The following MINK1 variants were observed in gnomAD, a reference collection of about 807,000 sequenced individuals.
The protein encoded by MINK1 is misshapen-like kinase 1.
Under a neutral mutation model 178.4 loss-of-function variants are expected in MINK1, and 46 were observed. That is an observed-to-expected ratio of 0.26 (90% CI 0.20 to 0.33). MINK1 has a LOEUF of 0.33. Ranked by LOEUF, MINK1 falls within the 10% of genes least tolerant of loss-of-function variation. The probability of loss-of-function intolerance (pLI) is 1.00; values close to 1 mark genes in which losing one functional copy is unlikely to be tolerated. For synonymous variants in MINK1, 797 were observed against 709.7 expected (o/e 1.12, Z -1.96); for missense variants, 1,366 against 1,814.9 (o/e 0.75, Z 4.49).
rs535032519 is a variant in MINK1, at chr17:4,897,421, C to T, written c.*134C>T. 5.1e-5 allele frequency: 38 copies of T among 748,366 alleles called. No homozygotes were observed. Among genetic ancestry groups the T allele is most frequent in the Admixed American group, 1.0e-4 (4 of 39,832 alleles). The allele number at this position is 748,366 out of a possible 1,614,324, so 46.4% of individuals were successfully genotyped here. A position where few individuals can be genotyped will look rare whatever the true frequency, so the allele number is the denominator to read the frequency against. On this transcript the variant is annotated 3_prime_UTR_variant, in exon 32 of 32. Transcript: ENST00000355280. ...TGATTTCACTGGAGCCTGCTGGGAA[C>T]GTGACCTCTGACCCCTGATGCTTTC...
In MINK1 at chr17:4,897,565, C is replaced by A. The variant is rs1019763022; in HGVS notation, c.*278C>A. The A allele has an allele frequency of 4.9e-6, 2 of 406,836 alleles. No individual in the cohort carries two copies. The highest frequency in any genetic ancestry group is 8.9e-6 in the Non-Finnish European group (2 of 224,366). The allele number at this position is 406,836 out of a possible 1,614,324, so 25.2% of individuals were successfully genotyped here. ...AGGAATTGAGTGGGCCTAGCCCCTC[C>A]CCCCTTTTCTCCATTTGAGAGGAGA... is the stretch of plus-strand genomic sequence containing the variant. On this transcript the variant is annotated 3_prime_UTR_variant, in exon 32 of 32. Transcript: ENST00000355280.
At position 4,896,349 on chromosome 17, in the gene MINK1, T is replaced by C. The variant is rs1302147773; in HGVS notation, c.3615+7T>C. On this transcript the variant is annotated splice_region_variant and intron_variant, in intron 29 of 31. Coordinates refer to ENST00000355280, the MANE Select transcript of MINK1 (RefSeq NM_153827.5). This position sits in a 1 kb window ranked among gnomAD's most constrained non-coding sequence, Gnocchi z 4.6. ...CATCTACATCCCTGTGCACGTGAGC[T>C]TGGCGGGGCTGCTGGGGGAGTGGGA... 1.2e-6 allele frequency: 2 copies of C among 1,600,188 alleles called. No individual in the cohort carries two copies. Among genetic ancestry groups the C allele is most frequent in the African/African-American group, 2.7e-5 (2 of 74,754 alleles).
At chr17:4,889,328 C>T (rs1968534430) in intron 12 of MINK1, among the ~76,000 whole-genome samples, 1 of 152,086 alleles carries the variant, frequency 6.6e-6, no homozygotes, top group Non-Finnish European at 1.5e-5. Flanking sequence ...GCTAGGAGTG[C>T]TGGGGAGGCT....
intron 2 of MINK1, among the ~76,000 whole-genome samples, chr17:4,879,081 G>C (rs1439351920): frequency 1.3e-5 from 2 of 151,926 alleles, no homozygotes; most frequent in African/African-American, 4.8e-5. Context: ...GCTCACACTT[G>C]GATTGTGGGA....
Position 4,887,133 on chromosome 17 carries a change from G to T in MINK1, c.973G>T (p.Gly325Cys). The T allele has an allele frequency of 6.2e-7, 1 of 1,602,988 alleles. No homozygotes were observed. The highest frequency in any genetic ancestry group is 2.2e-5 in the East Asian group (1 of 44,482). ...AGAGGAGACAGAATATGAGTACAGC[G>T]GCAGCGAGGAGGAAGATGACAGCCA... ...EKEETEYEYSGSEEEDDSHGE... is the reference protein window; with the variant it reads ...EKEETEYEYSCSEEEDDSHGE... The change falls in exon 11 of 32, where the codon GGC becomes TGC. Residue 325 changes from glycine to cysteine, a missense_variant. Physicochemically the swap from Gly to Cys is radical, Grantham distance 159 (BLOSUM62 -3). Transcript: ENST00000355280. This position sits in a 1 kb window ranked among gnomAD's most constrained non-coding sequence, Gnocchi z 7.6.
chr17:4,894,485 A>G lies in MINK1; in HGVS notation c.2809-40A>G. The G allele has an allele frequency of 5.2e-6, 8 of 1,543,540 alleles. No individual in the cohort carries two copies. The highest frequency in any genetic ancestry group is 1.2e-5 in the South Asian group (1 of 84,632). Reference sequence around the variant, plus strand: ...GCAGCAGGGGCAGGGCCGCAGCTGGACTTGCACTTGTTTGCCTGACTGCTG... The same window carrying G: ...GCAGCAGGGGCAGGGCCGCAGCTGGGCTTGCACTTGTTTGCCTGACTGCTG... On this transcript the variant is annotated intron_variant, in intron 23 of 31. Transcript: ENST00000355280. This position sits in a 1 kb window ranked among gnomAD's most constrained non-coding sequence, Gnocchi z 4.1.
intron 2 of MINK1, among the ~76,000 whole-genome samples, chr17:4,878,866 G>T (rs1208521978): frequency 6.6e-6 from 1 of 152,238 alleles, no homozygotes; most frequent in African/African-American, 2.4e-5. Context: ...CTTTTGAGCT[G>T]CCTCTGTCCC....
intron 2 of MINK1, 54 bp downstream of exon 2, chr17:4,878,436 A>G: frequency 6.8e-7 from 1 of 1,462,416 alleles, no homozygotes; most frequent in East Asian, 2.5e-5. Context: ...CAGTCTTGGG[A>G]GGAGTGGAAG....
At chr17:4,859,804 A>C (rs1913836115) in intron 1 of MINK1, among the ~76,000 whole-genome samples, 1 of 151,112 alleles carries the variant, frequency 6.6e-6, no homozygotes, top group Admixed American at 6.6e-5. Context: ...AAAAAAAAAA[A>C]AAAAAAAAAA....
rs1174249777 is a variant in MINK1 at position 4,894,230 on chromosome 17, GC to G, written c.2729del (p.Pro910LeufsTer34). ...HADSNGYTNLPDVVQPSHSPT... is the reference protein window; with the variant it reads ...HADSNGYTNLXDVVQPSHSPT... ...CTGACAGCAATGGGTACACAAACCT[GC>G]CTGACGTGGTCCAGCCCAGCCACTC... On this transcript the variant is annotated frameshift_variant, in exon 23 of 32. Transcript: ENST00000355280. LOFTEE classifies it high-confidence loss of function. This position sits in a 1 kb window ranked among gnomAD's most constrained non-coding sequence, Gnocchi z 4.1. 1 of 1,613,390 alleles carries G rather than the reference GC, an allele frequency of 6.2e-7. No homozygotes were observed. The highest frequency in any genetic ancestry group is 8.5e-7 in the Non-Finnish European group (1 of 1,179,834).
At chr17:4,839,647 T>TTGTC (rs1909879024) in intron 1 of MINK1, among the ~76,000 whole-genome samples, 1 of 152,224 alleles carries the variant, frequency 6.6e-6, no homozygotes, top group Non-Finnish European at 1.5e-5. Flanking sequence ...TGGGCTTCTC[T>TTGTC]TATCTATAGG....
rs914614050 is a variant in MINK1 at position 4,891,093 on chromosome 17, G to T, written c.1709G>T (p.Arg570Met). 2 of 1,548,894 alleles carry T rather than the reference G, an allele frequency of 1.3e-6. No homozygotes were observed. The highest frequency in any genetic ancestry group is 1.7e-6 in the Non-Finnish European group (2 of 1,146,872). ...GPLSQTPPMQ[R>M]PVEPQEGPHK... ...CTTTCCCAGACTCCTCCTATGCAGAGGCCGGTGGAGCCCCAGGAGGGACCG... is the reference window on the plus strand; with the variant it reads ...CTTTCCCAGACTCCTCCTATGCAGATGCCGGTGGAGCCCCAGGAGGGACCG... Residue 570 changes from arginine (R) to methionine (M), a missense_variant, in exon 15 of 32, where the codon AGG becomes ATG. By Grantham distance (91) the Arg-to-Met change is moderately conservative. Coordinates refer to ENST00000355280, the MANE Select transcript of MINK1 (RefSeq NM_153827.5).
At chr17:4,864,736 G>A (rs1023805712) in intron 1 of MINK1, among the ~76,000 whole-genome samples, 2 of 152,112 alleles carry the variant, frequency 1.3e-5, no homozygotes, top group Non-Finnish European at 1.5e-5. Flanking sequence ...AAAAAAAAGA[G>A]CTATGGGGAG....
rs765073051 is a variant in MINK1, at chr17:4,878,367, C to T, written c.108C>T (p.Tyr36=). Reference sequence around the variant, plus strand: ...TGGAGGTGGTCGGCAATGGAACCTACGGACAGGTGTACAAGGTGAGACGAA... The same window carrying T: ...TGGAGGTGGTCGGCAATGGAACCTATGGACAGGTGTACAAGGTGAGACGAA... ...ELVEVVGNGT[Y]GQVYKGRHVK... The change falls in exon 2 of 32, where the codon TAC becomes TAT. Residue 36 remains tyrosine (Y), a synonymous_variant. Transcript: ENST00000355280. The T allele has an allele frequency of 7.5e-5, 116 of 1,537,022 alleles. 1 individual carries two copies. In the South Asian group the frequency reaches 8.3e-4, roughly 11 times the overall value.
chr17:4,850,896 G>T, intron 1 of MINK1: 1 of 386,374 alleles, frequency 2.6e-6, no homozygotes, highest in Non-Finnish European at 5.3e-6. Context: ...AGCCTGAACG[G>T]GCCTGGCATC....
At chr17:4,879,327 C>T (rs139526855) in intron 2 of MINK1, among the ~76,000 whole-genome samples, 11 of 152,348 alleles carry the variant, frequency 7.2e-5, no homozygotes, top group South Asian at 4.1e-4. Flanking sequence ...CCCTGGGGCC[C>T]GTGGCTTTTT....
Position 4,892,785 on chromosome 17 carries a change from T to G in MINK1, c.2311+17T>G. ...GCGTGGGAGGTATGTGAGCCAGGGC[T>G]GGGCAGCCTGCTCTGGGCCTGGGGG... On this transcript the variant is annotated intron_variant, in intron 19 of 31. Coordinates refer to ENST00000355280, the MANE Select transcript of MINK1 (RefSeq NM_153827.5). The G allele has an allele frequency of 6.3e-7, 1 of 1,583,294 alleles. No individual in the cohort carries two copies. Among genetic ancestry groups the G allele is most frequent in the Non-Finnish European group, 8.6e-7 (1 of 1,163,042 alleles).
chr17:4,885,872 G>A lies in MINK1; in HGVS notation c.640-39G>A, dbSNP rs1437882094. On this transcript the variant is annotated intron_variant, in intron 7 of 31. Coordinates refer to ENST00000355280, the MANE Select transcript of MINK1 (RefSeq NM_153827.5). This position sits in a 1 kb window ranked among gnomAD's most constrained non-coding sequence, Gnocchi z 5.0. ...TGAAGAGAGGTTGCAGGGCAGAGTT[G>A]TCAGGAATATTCACTTGTTCCTTCT... The A allele has an allele frequency of 3.7e-6, 6 of 1,608,124 alleles. No homozygotes were observed. The highest frequency in any genetic ancestry group is 1.3e-5 in the African/African-American group (1 of 74,762).
chr17:4,834,685 T>G (rs888143624), intron 1 of MINK1: 5 of 509,842 alleles, frequency 9.8e-6, no homozygotes, highest in African/African-American at 9.7e-5. Flanking sequence ...AGGTGAACAC[T>G]CCAGACTATC....
Sources: gnomAD v4.1 joint callset for allele counts (sites outside exome capture counted in the v4.1 genomes callset) on GRCh38, gnomAD v4.1.1 for gene constraint, Gnocchi (gnomAD v3.1) non-coding constraint, MANE v1.5 for transcripts, NCBI Gene and HGNC (gene_info 2026-07-23, HGNC 2026-07-21) for gene names.